The following ASXL2 variants were observed in gnomAD, a reference collection of about 807,000 sequenced individuals.
The protein encoded by ASXL2 is ASXL transcriptional regulator 2.
ASXL2 carries 23 observed loss-of-function variants against 122.0 expected under a neutral mutation model. That is an observed-to-expected ratio of 0.19 (90% confidence interval 0.14 to 0.27). ASXL2 has a LOEUF of 0.27. ASXL2 is among the 10% of genes least tolerant of loss of function. ASXL2 has a pLI of 1.00. For synonymous variants in ASXL2, 650 were observed against 637.0 expected (o/e 1.02, Z -0.31); for missense variants, 1,518 against 1,713.8 (o/e 0.89, Z 2.02).
At chr2:25,828,433 G>A (rs1428640725) in intron 3 of ASXL2, among the ~76,000 whole-genome samples, 2 of 148,114 alleles carry the variant, frequency 1.4e-5, no homozygotes, top group African/African-American at 2.5e-5. Flanking sequence ...TTGAACCTGG[G>A]AGATGGAGGT....
chr2:25,828,268 G>A (rs2089402039), intron 3 of ASXL2, among the ~76,000 whole-genome samples: 1 of 151,984 alleles, frequency 6.6e-6, no homozygotes, highest in South Asian at 2.1e-4. Context: ...CACTTTGGGA[G>A]GCCGAGGCAG....
At chr2:25,815,418 T>C (rs1399007345) in intron 3 of ASXL2, among the ~76,000 whole-genome samples, 1 of 151,978 alleles carries the variant, frequency 6.6e-6, no homozygotes, top group Non-Finnish European at 1.5e-5. Flanking sequence ...CAACCTCCAA[T>C]TCAACTTTTC....
chr2:25,834,210 G>A (rs1044698397), intron 3 of ASXL2, among the ~76,000 whole-genome samples: 6 of 151,948 alleles, frequency 3.9e-5, no homozygotes, highest in East Asian at 1.9e-4. Context: ...AAAAGTAGCC[G>A]GGGTTGGTGG....
At chr2:25,761,285 G>T (rs2088238496) in intron 8 of ASXL2, among the ~76,000 whole-genome samples, 1 of 152,118 alleles carries the variant, frequency 6.6e-6, no homozygotes. Context: ...AGGACAGAAA[G>T]AAATCCATGC....
intron 8 of ASXL2, among the ~76,000 whole-genome samples, chr2:25,760,058 T>C (rs1395424597): frequency 1.8e-4 from 27 of 152,124 alleles, no homozygotes; most frequent in Non-Finnish European, 2.9e-5. Flanking sequence ...GACTTTTTTT[T>C]TCACTGATTT....
intron 5 of ASXL2, among the ~76,000 whole-genome samples, chr2:25,798,529 C>T (rs373529531): frequency 4.6e-5 from 7 of 151,992 alleles, no homozygotes; most frequent in Admixed American, 1.3e-4. Context: ...TTTGGGAGGC[C>T]GAGGCAGGTA....
chr2:25,779,246 A>G (rs556103804), intron 5 of ASXL2, among the ~76,000 whole-genome samples: 2 of 151,616 alleles, frequency 1.3e-5, no homozygotes, highest in East Asian at 3.9e-4. Flanking sequence ...ACAGGCGCCC[A>G]CCACCATGCC....
intron 3 of ASXL2, chr2:25,830,923 A>G (rs539306256): frequency 5.2e-5 from 8 of 152,386 alleles, no homozygotes; most frequent in African/African-American, 1.9e-4. Context: ...CACCAAAAAA[A>G]TTAACAGAAT....
In ASXL2 at chr2:25,780,284, G is replaced by GA. The variant is rs1177392936; in HGVS notation, c.404-8745dup. The GA allele has an allele frequency of 4.0e-5, 6 of 151,354 alleles. No homozygotes were observed. The East Asian group carries it at 9.7e-4, about 24-fold the overall frequency. The allele number at this position is 151,354 out of a possible 1,614,324, so 9.4% of individuals were successfully genotyped here. ...AGGCGGGAGCCACTTTGATTTAAGT[G>GA]AAAAAACTCAATGCATCCTGGAGGA... On this transcript the variant is annotated intron_variant, in intron 5 of 12. Coordinates refer to ENST00000435504, the MANE Select transcript of ASXL2 (RefSeq NM_018263.6).
intron 5 of ASXL2, among the ~76,000 whole-genome samples, chr2:25,796,604 T>C (rs2088913934): frequency 6.6e-6 from 1 of 152,210 alleles, no homozygotes; most frequent in Non-Finnish European, 1.5e-5. Context: ...AGTTATGAAG[T>C]AGACACCAAA....
chr2:25,797,911 A>G (rs910088332), intron 5 of ASXL2, among the ~76,000 whole-genome samples: 1 of 152,266 alleles, frequency 6.6e-6, no homozygotes, highest in African/African-American at 2.4e-5. Context: ...CTGAAAACTT[A>G]TGCACATACA....
Position 25,742,103 on chromosome 2 carries a change from C to G in ASXL2, c.4234G>C (p.Gly1412Arg), listed in dbSNP as rs2087838550. ...CRLKAMIMCKGCGAFCHDDCI... is the reference protein window; with the variant it reads ...CRLKAMIMCKRCGAFCHDDCI... ...TCATCATGGCAGAAAGCGCCACAGC[C>G]TTTGCACATGATCATGGCTTTCAAG... is the stretch of plus-strand genomic sequence containing the variant. The change falls in exon 13 of 13, where the codon GGC (glycine) becomes CGC (arginine). Residue 1412 changes from glycine (G) to arginine (R), a missense_variant. By Grantham distance (125) the Gly-to-Arg change is moderately radical. Coordinates refer to ENST00000435504, the MANE Select transcript of ASXL2 (RefSeq NM_018263.6). The G allele has an allele frequency of 6.2e-7, 1 of 1,613,950 alleles. No homozygotes were observed. Among genetic ancestry groups the G allele is most frequent in the African/African-American group, 1.3e-5 (1 of 74,932 alleles).
chr2:25,738,371 G>A lies in ASXL2; in HGVS notation c.*3658C>T, dbSNP rs1463032225. On this transcript the variant is annotated 3_prime_UTR_variant, in exon 13 of 13. Transcript: ENST00000435504. ...GTAGGTATTGAAACATGGTAGGAAA[G>A]GCCCCTGCCTATCACCATGTTTCTC... is the stretch of plus-strand genomic sequence containing the variant. The A allele has an allele frequency of 2.6e-5, 4 of 152,108 alleles. No homozygotes were observed. The highest frequency in any genetic ancestry group is 5.9e-5 in the Non-Finnish European group (4 of 68,034). The allele number at this position is 152,108 out of a possible 1,614,324, so 9.4% of individuals were successfully genotyped here.
chr2:25,866,134 C>CT lies in ASXL2; in HGVS notation c.57+12031dup, dbSNP rs779728638. On this transcript the variant is annotated intron_variant, in intron 1 of 12. Transcript: ENST00000435504. ...GCTTAAGACTTCAATTTTCTTTTTT[C>CT]TTTTTTTTTTTTTTTGAGGTGGAGT... Among the ~76,000 whole-genome samples, 1,064 of 141,232 alleles carry CT rather than the reference C, an allele frequency of 7.5e-3. 9 individuals are homozygous for CT. Among genetic ancestry groups the CT allele is most frequent in the African/African-American group, 0.016 (621 of 38,716 alleles). 92.7% of individuals were successfully genotyped at this position (141,232 alleles called of 152,430 possible).
chr2:25,856,238 T>A (rs976266864), intron 1 of ASXL2, among the ~76,000 whole-genome samples: 1 of 151,374 alleles, frequency 6.6e-6, no homozygotes. Context: ...TGTATTTTTA[T>A]TAGAGATGGG....
intron 2 of ASXL2, among the ~76,000 whole-genome samples, chr2:25,842,809 TATG>T (rs1454325627): frequency 5.3e-5 from 8 of 151,278 alleles, no homozygotes; most frequent in African/African-American, 9.7e-5. Context: ...TATATATATA[TATG>T]TTTTTTTTGT....
At chr2:25,759,441 A>T (rs2149146225) in intron 9 of ASXL2, 41 bp downstream of exon 9, 2 of 1,587,624 alleles carry the variant, frequency 1.3e-6, no homozygotes, top group Non-Finnish European at 1.7e-6. Context: ...AAGTATACAT[A>T]AACAGCTATT....
intron 8 of ASXL2, among the ~76,000 whole-genome samples, chr2:25,764,072 T>C (rs1359199327): frequency 1.3e-5 from 2 of 152,174 alleles, no homozygotes; most frequent in Non-Finnish European, 2.9e-5. Context: ...ATAAAAACAG[T>C]GTCTAAGAGG....
intron 8 of ASXL2, among the ~76,000 whole-genome samples, chr2:25,761,449 C>G (rs1482123943): frequency 1.3e-5 from 2 of 151,926 alleles, no homozygotes; most frequent in Non-Finnish European, 2.9e-5. Context: ...CCGAGGCAGG[C>G]AGATCACAAG....
Sources: allele counts gnomAD v4.1 joint callset (sites outside exome capture counted in the v4.1 genomes callset), GRCh38; gene constraint gnomAD v4.1.1; transcripts MANE v1.5; gene names NCBI Gene and HGNC (gene_info 2026-07-23, HGNC 2026-07-21).